The following FSTL4 variants were observed in gnomAD, a reference collection of about 807,000 sequenced individuals.
FSTL4 encodes the protein follistatin-related protein 4.
FSTL4 carries 28 observed loss-of-function variants against 78.2 expected under a neutral mutation model. The observed-to-expected ratio is 0.36, with a 90% CI of 0.27 to 0.49. The LOEUF (loss-of-function observed/expected upper bound fraction) is 0.49. FSTL4 is among the 20% of genes least tolerant of loss of function. The pLI is 0.98. For missense variants in FSTL4, 922 were observed against 1,084.9 expected, an observed-to-expected ratio of 0.85 and a Z score of 2.11; for synonymous variants, 422 against 440.5, an observed-to-expected ratio of 0.96 and a Z score of 0.53.
intron 3 of FSTL4, among the ~76,000 whole-genome samples, chr5:133,430,560 A>G (rs1325740756): frequency 6.6e-6 from 1 of 152,188 alleles, no homozygotes; most frequent in Non-Finnish European, 1.5e-5. Flanking sequence ...AGTGGAGGAA[A>G]AACTGTTCAG....
rs183388308 is a variant in FSTL4 at position 133,242,963 on chromosome 5, C to A, written c.894+6447G>T. ...AATTCATGACTGGTTCATATAAAGA[C>A]AATAAAAATTAAATGAGTCATGAGC... On this transcript the variant is annotated intron_variant, in intron 7 of 15. Transcript: ENST00000265342. 4.1e-4 allele frequency among the ~76,000 whole-genome samples: 62 copies of A among 152,278 alleles called. 1 individual carries two copies. The East Asian group carries it at 0.011, about 27-fold the overall frequency.
At chr5:133,405,373 G>T (rs989725989) in intron 3 of FSTL4, among the ~76,000 whole-genome samples, 2 of 152,334 alleles carry the variant, frequency 1.3e-5, no homozygotes, top group Admixed American at 1.3e-4. Flanking sequence ...CACGAACCCT[G>T]GCCCAGTACA....
At chr5:133,424,968 A>T (rs1166972444) in intron 3 of FSTL4, among the ~76,000 whole-genome samples, 3 of 152,120 alleles carry the variant, frequency 2.0e-5, no homozygotes, top group Admixed American at 1.3e-4. Flanking sequence ...ATCAAAAGAA[A>T]ATCTGTAAAA....
intron 2 of FSTL4, among the ~76,000 whole-genome samples, chr5:133,570,213 A>T (rs983529063): frequency 6.6e-6 from 1 of 152,108 alleles, no homozygotes; most frequent in Non-Finnish European, 1.5e-5. Flanking sequence ...TCTCAAAAAA[A>T]AAACAAAAAA....
the FSTL4 span, among the ~76,000 whole-genome samples, chr5:133,777,056 T>C: frequency 2.0e-5 from 3 of 152,158 alleles, no homozygotes; most frequent in South Asian, 6.2e-4. Context: ...CTCCCCACCA[T>C]GTACCAGGCA....
the FSTL4 span, among the ~76,000 whole-genome samples, chr5:133,631,302 GA>G: frequency 0.27 from 38,413 of 143,302 alleles, 4,952 homozygotes; most frequent in Admixed American, 0.35. Context: ...ACATTTACAA[GA>G]AAAAAAAAAA....
At position 133,387,389 on chromosome 5, in the gene FSTL4, C is replaced by T. The variant is rs535903550; in HGVS notation, c.409+13349G>A. On this transcript the variant is annotated intron_variant, in intron 4 of 15. Coordinates refer to ENST00000265342, the MANE Select transcript of FSTL4 (RefSeq NM_015082.2). ...CGTCCATACAGCCCCTGGCGGTGGGCTGGCAGCCTGGCACATTCTCCGTGA... is the reference window on the plus strand; with the variant it reads ...CGTCCATACAGCCCCTGGCGGTGGGTTGGCAGCCTGGCACATTCTCCGTGA... 2.7e-4 allele frequency among the ~76,000 whole-genome samples: 41 copies of T among 152,236 alleles called. 1 individual carries two copies. The highest frequency in any genetic ancestry group is 2.5e-3 in the Admixed American group (38 of 15,288).
chr5:133,496,666 C>T (rs10057801), intron 3 of FSTL4, among the ~76,000 whole-genome samples: 5 of 152,152 alleles, frequency 3.3e-5, no homozygotes, highest in South Asian at 2.1e-4. Flanking sequence ...ATAGGAAATG[C>T]GGACACGAGG....
the FSTL4 span, among the ~76,000 whole-genome samples, chr5:133,780,267 G>A: frequency 6.6e-6 from 1 of 152,092 alleles, no homozygotes; most frequent in African/African-American, 2.4e-5. Context: ...ACGCAGACAC[G>A]TGGGGATATG....
At chr5:133,238,344 C>T (rs1001464121) in intron 7 of FSTL4, among the ~76,000 whole-genome samples, 1 of 152,184 alleles carries the variant, frequency 6.6e-6, no homozygotes, top group African/African-American at 2.4e-5. Context: ...AAGGGGGGGT[C>T]TCTCCCCCAA....
At position 133,199,765 on chromosome 5, in the gene FSTL4, G is replaced by A. The variant is rs1470494474; in HGVS notation, c.1859C>T (p.Ala620Val). 1.3e-6 allele frequency: 2 copies of A among 1,570,966 alleles called. No individual in the cohort carries two copies. The highest frequency in any genetic ancestry group is 8.7e-7 in the Non-Finnish European group (1 of 1,156,008). Residue 620 changes from alanine (A) to valine (V), a missense_variant, in exon 16 of 16, where the codon GCA becomes GTA. Ala to Val is a moderately conservative substitution (Grantham distance 64). Coordinates refer to ENST00000265342, the MANE Select transcript of FSTL4 (RefSeq NM_015082.2). The surrounding 1 kb of genome is among the most constrained non-coding windows in gnomAD (Gnocchi z 4.4). Reference sequence around the variant, plus strand: ...TGTTTCCAGGTCCACCTTGTGGACTGCAGGATCAGACTTGTTGAAGATGAA... The same window carrying A: ...TGTTTCCAGGTCCACCTTGTGGACTACAGGATCAGACTTGTTGAAGATGAA... ...FGFIFNKSDP[A>V]VHKVDLETMM...
chr5:133,748,245 C>T, the FSTL4 span, among the ~76,000 whole-genome samples: 4 of 151,656 alleles, frequency 2.6e-5, no homozygotes, highest in African/African-American at 9.7e-5. Context: ...ACCAACTGCT[C>T]CCTGCCCTTG....
At chr5:133,512,058 CCTT>C in intron 3 of FSTL4, among the ~76,000 whole-genome samples, 1 of 152,372 alleles carries the variant, frequency 6.6e-6, no homozygotes, top group Admixed American at 6.5e-5. Context: ...ACAGTACCCT[CCTT>C]CTACATCCTT....
the FSTL4 span, among the ~76,000 whole-genome samples, chr5:133,684,894 G>A: frequency 6.6e-6 from 1 of 152,162 alleles, no homozygotes; most frequent in African/African-American, 2.4e-5. Flanking sequence ...GTTTTATTAG[G>A]CATCCTGCTT....
chr5:133,395,588 G>C (rs918806269), intron 4 of FSTL4, among the ~76,000 whole-genome samples: 3 of 152,214 alleles, frequency 2.0e-5, no homozygotes, highest in African/African-American at 7.2e-5. Context: ...AGACTTCCCT[G>C]CTTGGCACAC....
In FSTL4 at chr5:133,259,868, C is replaced by T. The variant is rs113322587; in HGVS notation, c.728-10292G>A. ...CCTGACTTGATCCTCTTGCATAATA[C>T]GGTGTGATTTCCTGTGGTGAAGCAG... On this transcript the variant is annotated intron_variant, in intron 6 of 15. Transcript: ENST00000265342. Among the ~76,000 whole-genome samples, 325 of 152,178 alleles carry T rather than the reference C, an allele frequency of 2.1e-3. 2 individuals carry two copies. The highest frequency in any genetic ancestry group is 7.6e-3 in the African/African-American group (316 of 41,478).
chr5:133,224,827 A>G (rs770168402), intron 10 of FSTL4, among the ~76,000 whole-genome samples: 2 of 152,198 alleles, frequency 1.3e-5, no homozygotes, highest in Non-Finnish European at 2.9e-5. Flanking sequence ...CATCACGTGG[A>G]TGAAGGGCAG....
the FSTL4 span, among the ~76,000 whole-genome samples, chr5:133,739,782 C>G: frequency 6.6e-6 from 1 of 152,050 alleles, no homozygotes; most frequent in African/African-American, 2.4e-5. Context: ...GGAGAAGGTA[C>G]AAATTTGCTG....
the FSTL4 span, among the ~76,000 whole-genome samples, chr5:133,831,103 C>G: frequency 6.6e-6 from 1 of 152,128 alleles, no homozygotes; most frequent in Non-Finnish European, 1.5e-5. Flanking sequence ...GAAAATGAAA[C>G]CATGGTTCCA....
Sources: gnomAD v4.1 joint callset for allele counts (sites outside exome capture counted in the v4.1 genomes callset) on GRCh38, gnomAD v4.1.1 for gene constraint, Gnocchi (gnomAD v3.1) non-coding constraint, MANE v1.5 for transcripts, NCBI Gene and HGNC (gene_info 2026-07-23, HGNC 2026-07-21) for gene names.